The following OR1S2 variants were observed in gnomAD, a reference collection of about 807,000 sequenced individuals.
OR1S2 encodes olfactory receptor 1S2.
Under a neutral mutation model 1.7 loss-of-function variants are expected in OR1S2, and 1 was observed. That is an observed-to-expected ratio of 0.59 (90% confidence interval 0.21 to 2.81). The LOEUF (loss-of-function observed/expected upper bound fraction) is 2.81. Ranked by LOEUF, OR1S2 falls within the 30% of genes most tolerant of loss-of-function variation. OR1S2 has a pLI of 0.22. For synonymous variants in OR1S2, 157 were observed against 145.3 expected, an observed-to-expected ratio of 1.08 and a Z score of -0.58; for missense variants, 391 against 371.6, an observed-to-expected ratio of 1.05 and a Z score of -0.43.
At chr11:58,203,295 G>T in exon 1 of OR1S2, 1 of 1,614,054 alleles carries the variant, frequency 6.2e-7, no homozygotes, top group Non-Finnish European at 8.5e-7. Flanking sequence ...GTTCATCATG[G>T]GTGTCACCAC....
chr11:58,203,424 G>A (rs200321274), exon 1 of OR1S2: 277 of 1,614,028 alleles, frequency 1.7e-4, no homozygotes, highest in Non-Finnish European at 3.0e-5. Flanking sequence ...AGAGCCACAA[G>A]TGGAGAAGGC....
chr11:58,204,044 A>G (rs1270437318), exon 1 of OR1S2: 1 of 1,613,970 alleles, frequency 6.2e-7, no homozygotes. Context: ...CCACATACAT[A>G]CTCAGGAAAA....
Position 58,203,688 on chromosome 11 carries a change from C to G in OR1S2, c.455G>C (p.Ser152Thr). Reference sequence around the variant, plus strand: ...GGTGTGTGTAAGAGCAATAATATTACTGAGGAACCACGAGATGACTGTGAG... The same window carrying G: ...GGTGTGTGTAAGAGCAATAATATTAGTGAGGAACCACGAGATGACTGTGAG... Residue 152 changes from serine (S) to threonine (T), a missense_variant, in exon 1 of 1, where the codon AGT becomes ACT. Physicochemically the swap from Ser to Thr is moderately conservative, Grantham distance 58. Transcript: ENST00000641683. 5 of 1,614,098 alleles carry G rather than the reference C, an allele frequency of 3.1e-6. 1 individual carries two copies. Among genetic ancestry groups the G allele is most frequent in the Non-Finnish European group, 4.2e-6 (5 of 1,180,004 alleles).
exon 1 of OR1S2, chr11:58,203,371 C>T (rs758304516): frequency 2.2e-5 from 36 of 1,613,886 alleles, no homozygotes; most frequent in South Asian, 1.3e-4. Flanking sequence ...AAAAAGTACA[C>T]GCCTACAGTG....
exon 1 of OR1S2, chr11:58,203,791 T>C: frequency 1.9e-6 from 3 of 1,614,130 alleles, no homozygotes; most frequent in East Asian, 2.2e-5. Flanking sequence ...TCGAAGGCCA[T>C]GGTCCCCAAA....
At chr11:58,203,739 A>G (rs1330233796) in exon 1 of OR1S2, 1 of 1,614,046 alleles carries the variant, frequency 6.2e-7, no homozygotes, top group South Asian at 1.1e-5. Flanking sequence ...GGCCCGCATG[A>G]AAGTTGTATA....
rs1474285525 is a variant in OR1S2 at position 58,204,031 on chromosome 11, T to G, written c.112A>C (p.Thr38Pro). Residue 38 changes from threonine (T) to proline (P), a missense_variant, in exon 1 of 1, where the codon ACT becomes CCT. Coordinates refer to ENST00000641683, the Ensembl canonical transcript of OR1S2. Reference sequence around the variant, plus strand: ...ATGATGAGCCCGTTCCCAACCACAGTGACCACATACATACTCAGGAAAAGC... The same window carrying G: ...ATGATGAGCCCGTTCCCAACCACAGGGACCACATACATACTCAGGAAAAGC... The G allele has an allele frequency of 3.1e-6, 5 of 1,613,920 alleles. No individual in the cohort carries two copies. The African/African-American group carries it at 6.7e-5, about 22-fold the overall frequency.
rs1307660107 is a variant in OR1S2, at chr11:58,203,678, A to T, written c.465T>A (p.Ile155=). ...TGAGCAGAAGGGTGTGTGTAAGAGC[A>T]ATAATATTACTGAGGAACCACGAGA... Residue 155 remains isoleucine, a synonymous_variant, in exon 1 of 1, where the codon ATT becomes ATA. Transcript: ENST00000641683. The T allele has an allele frequency of 3.7e-6, 6 of 1,614,184 alleles. No individual in the cohort carries two copies. In the African/African-American group the frequency reaches 8.0e-5, roughly 22 times the overall value.
chr11:58,203,470 C>A, exon 1 of OR1S2: 1 of 1,614,012 alleles, frequency 6.2e-7, no homozygotes, highest in Non-Finnish European at 8.5e-7. Context: ...ACTCCCAGGA[C>A]AGCTCTGATG....
exon 1 of OR1S2, chr11:58,204,062 G>T (rs1854882893): frequency 1.2e-6 from 2 of 1,613,888 alleles, no homozygotes; most frequent in Non-Finnish European, 1.7e-6. Flanking sequence ...AAAGCACAAA[G>T]AGGAGGTTTT....
At chr11:58,203,312 T>C in exon 1 of OR1S2, 1 of 1,614,064 alleles carries the variant, frequency 6.2e-7, no homozygotes, top group Non-Finnish European at 8.5e-7. Flanking sequence ...CCACAGTGAA[T>C]AGGACAGCAC....
At chr11:58,203,634 T>C in exon 1 of OR1S2, 1 of 1,614,112 alleles carries the variant, frequency 6.2e-7, no homozygotes, top group Non-Finnish European at 8.5e-7. Flanking sequence ...AGTGTTGTGG[T>C]CACAGAAGAG....
chr11:58,203,502 A>C lies in OR1S2; in HGVS notation c.641T>G (p.Ile214Ser), dbSNP rs759511168. The C allele has an allele frequency of 3.5e-5, 56 of 1,613,902 alleles. No homozygotes were observed. Among genetic ancestry groups the C allele is most frequent in the Non-Finnish European group, 4.2e-5 (49 of 1,179,952 alleles). Reference sequence around the variant, plus strand: ...GATGATGCAGACATAGGAGAAGAAGATGAGTACAAAGGGGAAGATGATAAC... The same window carrying C: ...GATGATGCAGACATAGGAGAAGAAGCTGAGTACAAAGGGGAAGATGATAAC... Residue 214 changes from isoleucine to serine, a missense_variant, in exon 1 of 1, where the codon ATC becomes AGC. Transcript: ENST00000641683.
chr11:58,204,001 C>G lies in OR1S2; in HGVS notation c.142G>C (p.Ala48Pro), dbSNP rs202027921. 31 of 1,613,852 alleles carry G rather than the reference C, an allele frequency of 1.9e-5. No homozygotes were observed. In the Admixed American group the frequency reaches 5.0e-4, roughly 26 times the overall value. The change falls in exon 1 of 1, where the codon GCT (alanine) becomes CCT (proline). Residue 48 changes from alanine (A) to proline (P), a missense_variant. Physicochemically the swap from Ala to Pro is conservative, Grantham distance 27. Coordinates refer to ENST00000641683, the Ensembl canonical transcript of OR1S2. The stretch of plus-strand genomic sequence containing the variant: ...TGAAGGTATATATCCAAGCTGATAG[C>G]CACAATGATGAGCCCGTTCCCAACC...
rs149262384 is a variant in OR1S2 at position 58,204,017 on chromosome 11, G to A, written c.126C>T (p.Asn42=). The A allele has an allele frequency of 9.2e-4, 1,482 of 1,614,008 alleles. 4 individuals carry two copies. The highest frequency in any genetic ancestry group is 7.6e-3 in the African/African-American group (567 of 75,018). ...AGCTGATAGCCACAATGATGAGCCC[G>A]TTCCCAACCACAGTGACCACATACA... is the stretch of plus-strand genomic sequence containing the variant. The change falls in exon 1 of 1, where the codon AAC becomes AAT. Residue 42 remains asparagine, a synonymous_variant. Coordinates refer to ENST00000641683, the Ensembl canonical transcript of OR1S2.
At chr11:58,203,730 G>A in exon 1 of OR1S2, 1 of 1,614,036 alleles carries the variant, frequency 6.2e-7, no homozygotes, top group Non-Finnish European at 8.5e-7. Flanking sequence ...GCCGAACCTG[G>A]CCCGCATGAA....
chr11:58,203,932 T>C (rs2120035373), exon 1 of OR1S2: 1 of 1,614,064 alleles, frequency 6.2e-7, no homozygotes, highest in South Asian at 1.1e-5. Flanking sequence ...ATGGAGGAAA[T>C]ATCAGCAAAG....
At chr11:58,203,663 G>A (rs764991842) in exon 1 of OR1S2, 5 of 1,614,096 alleles carry the variant, frequency 3.1e-6, no homozygotes, top group Non-Finnish European at 4.2e-6. Flanking sequence ...TGAGCAGAAG[G>A]GTGTGTGTAA....
At position 58,203,762 on chromosome 11, in the gene OR1S2, G is replaced by A. The variant is rs542877000; in HGVS notation, c.381C>T (p.Cys127=). The stretch of plus-strand genomic sequence containing the variant: ...TGAAAGTTGTATAGTTCAGAGGGTG[G>A]CAGATCGCCACAAAGTGGTCGAAGG... The change falls in exon 1 of 1, where the codon TGC becomes TGT. Residue 127 remains cysteine (C), a synonymous_variant. Transcript: ENST00000641683. 19 of 1,614,078 alleles carry A rather than the reference G, an allele frequency of 1.2e-5. No individual in the cohort carries two copies. In the African/African-American group the frequency reaches 1.6e-4, roughly 14 times the overall value.
Sources: gnomAD v4.1 joint callset for allele counts on GRCh38, gnomAD v4.1.1 for gene constraint, MANE v1.5 for transcripts, NCBI Gene and HGNC (gene_info 2026-07-23, HGNC 2026-07-21) for gene names.